Variants in BCAS3 observed in about 807,000 individuals in gnomAD.
BCAS3 encodes BCAS4/BCAS3 fusion.
A neutral mutation model predicts 116.1 loss-of-function variants in BCAS3; 53 were observed. The observed-to-expected ratio is 0.46, with a 90% CI of 0.37 to 0.57. The LOEUF (loss-of-function observed/expected upper bound fraction) is 0.57. BCAS3 is among the 20% of genes least tolerant of loss of function. The probability of loss-of-function intolerance (pLI) is 0.00; values close to 1 mark genes in which losing one functional copy is unlikely to be tolerated. For synonymous variants in BCAS3, 391 were observed against 408.2 expected, an observed-to-expected ratio of 0.96 and a Z score of 0.51; for missense variants, 917 against 1,165.4, an observed-to-expected ratio of 0.79 and a Z score of 3.10.
chr17:61,110,255 A>G (rs2074968595), intron 22 of BCAS3, among the ~76,000 whole-genome samples: 1 of 152,232 alleles, frequency 6.6e-6, no homozygotes, highest in East Asian at 1.9e-4. Context: ...ATGGCCGAAT[A>G]GGAACAGCTC....
rs1309168790 is a variant in BCAS3, at chr17:61,282,316, C to A, written c.2426-86011C>A. 5.9e-5 allele frequency among the ~76,000 whole-genome samples: 9 copies of A among 152,128 alleles called. No individual in the cohort carries two copies. The highest frequency in any genetic ancestry group is 5.9e-5 in the Non-Finnish European group (4 of 68,022). On this transcript the variant is annotated intron_variant, in intron 22 of 23. Coordinates refer to ENST00000407086, the MANE Select transcript of BCAS3 (RefSeq NM_017679.5). This position sits in a 1 kb window ranked among gnomAD's most constrained non-coding sequence, Gnocchi z 5.9. Reference sequence around the variant, plus strand: ...TGGGAATACCTTACCGATGAGAAGGCTTTCCTGAGCCTTGGTTGGGAGCTG... The same window carrying A: ...TGGGAATACCTTACCGATGAGAAGGATTTCCTGAGCCTTGGTTGGGAGCTG...
At chr17:61,127,249 G>C (rs1321079097) in intron 22 of BCAS3, among the ~76,000 whole-genome samples, 1 of 152,062 alleles carries the variant, frequency 6.6e-6, no homozygotes, top group East Asian at 1.9e-4. Context: ...GCAGATTGAG[G>C]GGTCTCTATT....
At chr17:61,310,695 A>G (rs977111764) in intron 22 of BCAS3, among the ~76,000 whole-genome samples, 8 of 152,200 alleles carry the variant, frequency 5.3e-5, no homozygotes, top group Admixed American at 2.0e-4. Flanking sequence ...TAGAGGTATG[A>G]GAGACATGAA....
chr17:60,707,569 A>G (rs1486210671), intron 4 of BCAS3, among the ~76,000 whole-genome samples: 1 of 152,226 alleles, frequency 6.6e-6, no homozygotes, highest in Non-Finnish European at 1.5e-5. Flanking sequence ...AGTGTTGAAT[A>G]TAAGTTTTAA....
rs2145497206 is a variant in BCAS3 at position 61,006,551 on chromosome 17, G to A, written c.1487-9200G>A. Among the ~76,000 whole-genome samples the A allele has an allele frequency of 1.3e-5, 2 of 152,218 alleles. 1 individual carries two copies. The highest frequency in any genetic ancestry group is 4.1e-4 in the South Asian group (2 of 4,820). Reference sequence around the variant, plus strand: ...AATTCATTGTGAGGTAAAGATGGGAGAGTTGAGTATAGGGTATTTTCAAGA... The same window carrying A: ...AATTCATTGTGAGGTAAAGATGGGAAAGTTGAGTATAGGGTATTTTCAAGA... On this transcript the variant is annotated intron_variant, in intron 15 of 23. Coordinates refer to ENST00000407086, the MANE Select transcript of BCAS3 (RefSeq NM_017679.5).
At chr17:60,794,631 A>G (rs2047056718) in intron 6 of BCAS3, among the ~76,000 whole-genome samples, 1 of 152,168 alleles carries the variant, frequency 6.6e-6, no homozygotes, top group African/African-American at 2.4e-5. Context: ...TGGCTAGCCA[A>G]TTATCCCAGC....
At chr17:60,832,689 T>A (rs1006043942) in intron 7 of BCAS3, among the ~76,000 whole-genome samples, 5 of 152,188 alleles carry the variant, frequency 3.3e-5, no homozygotes, top group African/African-American at 9.6e-5. Flanking sequence ...TATGCATTTT[T>A]AAGGAGAATT....
At chr17:60,847,995 G>A (rs1025905137) in intron 7 of BCAS3, among the ~76,000 whole-genome samples, 1 of 152,070 alleles carries the variant, frequency 6.6e-6, no homozygotes, top group Non-Finnish European at 1.5e-5. Flanking sequence ...TTGAGTTGGG[G>A]GCTAGGGTTT....
At chr17:61,000,211 G>A (rs950842584) in intron 15 of BCAS3, among the ~76,000 whole-genome samples, 2 of 152,126 alleles carry the variant, frequency 1.3e-5, no homozygotes, top group African/African-American at 4.8e-5. Context: ...TCTTGTTCCA[G>A]TTCTTGAGGA....
At chr17:61,061,732 G>A (rs1024367235) in intron 19 of BCAS3, among the ~76,000 whole-genome samples, 4 of 152,164 alleles carry the variant, frequency 2.6e-5, no homozygotes, top group Non-Finnish European at 4.4e-5. Context: ...CTAACATTCA[G>A]GTTTGGCTGT....
At chr17:61,014,418 A>G (rs1037920637) in intron 15 of BCAS3, among the ~76,000 whole-genome samples, 1 of 152,184 alleles carries the variant, frequency 6.6e-6, no homozygotes, top group Non-Finnish European at 1.5e-5. Context: ...GAATAGAACC[A>G]CATGTATATG....
intron 7 of BCAS3, among the ~76,000 whole-genome samples, chr17:60,815,203 C>A (rs531293825): frequency 1.3e-4 from 20 of 152,078 alleles, no homozygotes; most frequent in African/African-American, 4.6e-4. Context: ...GACAAAAAAC[C>A]AAACACTGCA....
chr17:61,345,737 A>G (rs1372933874), intron 22 of BCAS3, among the ~76,000 whole-genome samples: 2 of 152,094 alleles, frequency 1.3e-5, no homozygotes, highest in Non-Finnish European at 2.9e-5. Context: ...TAGAGGACCT[A>G]TGAGCCCCAA....
intron 22 of BCAS3, among the ~76,000 whole-genome samples, chr17:61,267,105 T>G (rs1004132489): frequency 1.8e-4 from 28 of 152,340 alleles, no homozygotes; most frequent in Non-Finnish European, 3.1e-4. Flanking sequence ...TCGCCCAGGC[T>G]GGAGTGCAGT....
chr17:60,863,334 T>C (rs573951274), intron 7 of BCAS3, among the ~76,000 whole-genome samples: 1 of 152,330 alleles, frequency 6.6e-6, no homozygotes, highest in African/African-American at 2.4e-5. Flanking sequence ...GTATATCATT[T>C]GTATACATCC....
In BCAS3 at chr17:61,065,055, T is replaced by G. The variant is rs2070469880; in HGVS notation, c.2030-9865T>G. 6.6e-6 allele frequency among the ~76,000 whole-genome samples: 1 copy of G among 152,232 alleles called. No individual in the cohort carries two copies. Among genetic ancestry groups the G allele is most frequent in the Non-Finnish European group, 1.5e-5 (1 of 68,038 alleles). On this transcript the variant is annotated intron_variant, in intron 19 of 23. Coordinates refer to ENST00000407086, the MANE Select transcript of BCAS3 (RefSeq NM_017679.5). This position sits in a 1 kb window ranked among gnomAD's most constrained non-coding sequence, Gnocchi z 4.8. ...ACCCATTTTCAAGTAGTTATGTGTG[T>G]TATTTTTAATCTGAAAGGGTTCTCC...
In BCAS3 at chr17:60,692,796, TGAG is replaced by T. The variant is rs968528390; in HGVS notation, c.214+3042_214+3044del. ...CTGTAATCCCAGCTATTCGGGAGGC[TGAG>T]GAGGAGAATCGTTTGAACCCAGGAG... is the stretch of plus-strand genomic sequence containing the variant. On this transcript the variant is annotated intron_variant, in intron 4 of 23. Coordinates refer to ENST00000407086, the MANE Select transcript of BCAS3 (RefSeq NM_017679.5). Among the ~76,000 whole-genome samples, 22 of 21,894 alleles carry T rather than the reference TGAG, an allele frequency of 1.0e-3. 1 individual carries two copies. The highest frequency in any genetic ancestry group is 1.7e-3 in the Admixed American group (1 of 586). The allele number at this position is 21,894 out of a possible 152,430, so 14.4% of individuals were successfully genotyped here.
intron 6 of BCAS3, among the ~76,000 whole-genome samples, chr17:60,762,350 G>A (rs907892126): frequency 1.3e-5 from 2 of 152,110 alleles, no homozygotes; most frequent in African/African-American, 4.8e-5. Flanking sequence ...ATTTAAGTCT[G>A]TAATCCATCT....
chr17:61,024,438 G>A (rs2066085944), intron 16 of BCAS3, among the ~76,000 whole-genome samples: 1 of 152,020 alleles, frequency 6.6e-6, no homozygotes, highest in African/African-American at 2.4e-5. Flanking sequence ...GATTGAATTA[G>A]GATAACTTTA....
Sources: allele counts gnomAD v4.1 joint callset (sites outside exome capture counted in the v4.1 genomes callset), GRCh38; gene constraint gnomAD v4.1.1; non-coding constraint Gnocchi (gnomAD v3.1); transcripts MANE v1.5; gene names NCBI Gene and HGNC (gene_info 2026-07-23, HGNC 2026-07-21).